The following ENOX1 variants were observed in gnomAD, a reference collection of about 807,000 sequenced individuals.
ENOX1 encodes candidate growth-related and time keeping constitutive hydroquinone (NADH) oxidase.
In ENOX1, 42 loss-of-function variants were observed where a neutral mutation model predicts 82.5. The ratio of observed to expected loss-of-function variants is 0.51; its 90% confidence interval spans 0.40 to 0.66. The LOEUF (loss-of-function observed/expected upper bound fraction) is 0.66, where lower values mean the gene tolerates loss of function less well. Among genes scored for constraint, ENOX1 ranks in the 30% least tolerant of loss-of-function variants. The probability of loss-of-function intolerance (pLI) is 0.00; values close to 1 mark genes in which losing one functional copy is unlikely to be tolerated. For missense variants in ENOX1, 608 were observed against 811.6 expected (o/e 0.75, Z 3.05); for synonymous variants, 271 against 282.2 (o/e 0.96, Z 0.40).
At chr13:43,753,961 A>ACTGATGTATTTCTTCTGTGTATATTAG (rs71099848) in intron 1 of ENOX1, among the ~76,000 whole-genome samples, 1 of 149,042 alleles carries the variant, frequency 6.7e-6, no homozygotes, top group South Asian at 2.1e-4. Context: ...AGAGACATAA[A>ACTGATGTATTTCTTCTGTGTATATTAG]CTGATGTATT....
chr13:43,509,234 G>C (rs963981802), intron 2 of ENOX1, among the ~76,000 whole-genome samples: 2 of 152,012 alleles, frequency 1.3e-5, no homozygotes, highest in African/African-American at 4.8e-5. Context: ...GTGAATAAAT[G>C]CCTGTCCTAA....
At chr13:43,523,059 T>C (rs1432930767) in intron 2 of ENOX1, among the ~76,000 whole-genome samples, 1 of 152,184 alleles carries the variant, frequency 6.6e-6, no homozygotes, top group African/African-American at 2.4e-5. Flanking sequence ...GTTTTGTTTC[T>C]TATGTATAAA....
intron 2 of ENOX1, among the ~76,000 whole-genome samples, chr13:43,579,411 C>T (rs2080600878): frequency 6.6e-6 from 1 of 152,188 alleles, no homozygotes; most frequent in Admixed American, 6.5e-5. Context: ...TCTTGCAGTG[C>T]TAAGCTCCCA....
intron 5 of ENOX1, among the ~76,000 whole-genome samples, chr13:43,381,643 C>T (rs370196138): frequency 2.6e-5 from 4 of 151,658 alleles, no homozygotes; most frequent in African/African-American, 4.8e-5. Flanking sequence ...CAGCCTTAGG[C>T]AGGAAAGCAG....
At chr13:43,244,772 C>T (rs35306638) in intron 14 of ENOX1, among the ~76,000 whole-genome samples, 14,705 of 152,082 alleles carry the variant, frequency 0.097, 820 homozygotes, top group Non-Finnish European at 0.13. Context: ...TCCATGTCAC[C>T]CCGGACTCTG....
intron 1 of ENOX1, among the ~76,000 whole-genome samples, chr13:43,718,887 G>C (rs536966352): frequency 6.6e-6 from 1 of 152,078 alleles, no homozygotes; most frequent in African/African-American, 2.4e-5. Context: ...TTTTAAAAAA[G>C]AATGCACAAG....
intron 15 of ENOX1, among the ~76,000 whole-genome samples, chr13:43,235,602 T>A (rs2042500431): frequency 6.6e-6 from 1 of 151,878 alleles, no homozygotes; most frequent in African/African-American, 2.4e-5. Flanking sequence ...CGTGGTGGTG[T>A]GCACCTGTAA....
chr13:43,376,530 G>A (rs990995554), intron 5 of ENOX1, among the ~76,000 whole-genome samples: 2 of 152,144 alleles, frequency 1.3e-5, no homozygotes, highest in Admixed American at 6.5e-5. Context: ...AAGAGGGACA[G>A]GAACTTTCAG....
At chr13:43,389,382 T>C (rs958227551) in intron 5 of ENOX1, among the ~76,000 whole-genome samples, 1 of 152,228 alleles carries the variant, frequency 6.6e-6, no homozygotes, top group African/African-American at 2.4e-5. Context: ...TAGTAAAAGT[T>C]AAAATTATTT....
intron 1 of ENOX1, among the ~76,000 whole-genome samples, chr13:43,670,293 G>T (rs375148895): frequency 6.6e-6 from 1 of 152,124 alleles, no homozygotes; most frequent in Non-Finnish European, 1.5e-5. Context: ...CTGTGATATG[G>T]CAATCTTGCA....
chr13:43,681,963 A>G (rs1380132712), intron 1 of ENOX1, among the ~76,000 whole-genome samples: 4 of 152,028 alleles, frequency 2.6e-5, no homozygotes, highest in East Asian at 1.9e-4. Context: ...TGTCCTTACT[A>G]TGCTTTGCCC....
chr13:43,240,987 C>T (rs10507519), intron 14 of ENOX1, among the ~76,000 whole-genome samples: 14,717 of 152,232 alleles, frequency 0.097, 826 homozygotes, highest in Non-Finnish European at 0.13. Context: ...TACGGAGATA[C>T]TGAGGTTATA....
At chr13:43,586,679 C>T (rs1001440032) in intron 2 of ENOX1, among the ~76,000 whole-genome samples, 5 of 152,144 alleles carry the variant, frequency 3.3e-5, no homozygotes, top group African/African-American at 9.7e-5. Flanking sequence ...TCATATTTGG[C>T]TTTGGAATTA....
At chr13:43,487,493 C>T (rs556463027) in intron 2 of ENOX1, among the ~76,000 whole-genome samples, 51 of 152,292 alleles carry the variant, frequency 3.3e-4, no homozygotes, top group African/African-American at 1.1e-3. Context: ...CCTAACCTAA[C>T]AACACAGCCA....
At chr13:43,583,500 T>C (rs1329399179) in intron 2 of ENOX1, among the ~76,000 whole-genome samples, 2 of 152,232 alleles carry the variant, frequency 1.3e-5, no homozygotes, top group African/African-American at 4.8e-5. Flanking sequence ...CTTGTACTTA[T>C]GCTATTTCCT....
At chr13:43,613,914 A>G (rs1296327302) in intron 2 of ENOX1, among the ~76,000 whole-genome samples, 1 of 152,178 alleles carries the variant, frequency 6.6e-6, no homozygotes, top group African/African-American at 2.4e-5. Flanking sequence ...AGCTTGGGCT[A>G]CAAAATAAGA....
chr13:43,550,588 A>G (rs2079152452), intron 2 of ENOX1, among the ~76,000 whole-genome samples: 1 of 152,184 alleles, frequency 6.6e-6, no homozygotes, highest in Admixed American at 6.5e-5. Context: ...CTTGCTTGAG[A>G]TAAGATGTGA....
intron 2 of ENOX1, among the ~76,000 whole-genome samples, chr13:43,593,559 A>G (rs2081333024): frequency 6.6e-6 from 1 of 151,964 alleles, no homozygotes; most frequent in South Asian, 2.1e-4. Flanking sequence ...GTTCGTACTC[A>G]GCAGGAATTC....
intron 2 of ENOX1, among the ~76,000 whole-genome samples, chr13:43,527,401 G>A (rs2078033516): frequency 1.3e-5 from 2 of 152,028 alleles, no homozygotes; most frequent in Admixed American, 6.6e-5. Context: ...ACACTTAACT[G>A]CATATTTCTC....
Sources: gnomAD v4.1 joint callset for allele counts (sites outside exome capture counted in the v4.1 genomes callset) on GRCh38, gnomAD v4.1.1 for gene constraint, MANE v1.5 for transcripts, NCBI Gene and HGNC (gene_info 2026-07-23, HGNC 2026-07-21) for gene names.